The following VOPP1 variants were observed in gnomAD, a reference collection of about 807,000 sequenced individuals.
The protein encoded by VOPP1 is WW domain binding protein VOPP1.
In VOPP1, 8 loss-of-function variants were observed where a neutral mutation model predicts 23.5. The observed-to-expected ratio is 0.34, with a 90% confidence interval of 0.20 to 0.61. The LOEUF (loss-of-function observed/expected upper bound fraction) is 0.61, where lower values mean the gene tolerates loss of function less well. Among genes scored for constraint, VOPP1 ranks in the 20% least tolerant of loss-of-function variants. The probability of loss-of-function intolerance (pLI) is 0.78; values close to 1 mark genes in which losing one functional copy is unlikely to be tolerated. For missense variants in VOPP1, 174 were observed against 238.1 expected (o/e 0.73, Z 1.77); for synonymous variants, 83 against 97.3 (o/e 0.85, Z 0.86).
intron 1 of VOPP1, among the ~76,000 whole-genome samples, chr7:55,523,826 G>T (rs932759879): frequency 6.6e-6 from 1 of 152,190 alleles, no homozygotes; most frequent in African/African-American, 2.4e-5. Flanking sequence ...ATGCTTACCC[G>T]TGGAGGGTGG....
chr7:55,460,582 T>G (rs1047143822), intron 4 of VOPP1, among the ~76,000 whole-genome samples: 1 of 152,168 alleles, frequency 6.6e-6, no homozygotes, highest in African/African-American at 2.4e-5. Flanking sequence ...GGTGCTCGAG[T>G]GTGGGGTACA....
At chr7:55,491,159 T>G (rs1172488591) in intron 4 of VOPP1, among the ~76,000 whole-genome samples, 1 of 152,218 alleles carries the variant, frequency 6.6e-6, no homozygotes, top group Non-Finnish European at 1.5e-5. Flanking sequence ...CCATGCTCTA[T>G]TCCATAAACA....
chr7:55,449,496 T>TA (rs1482964176), intron 4 of VOPP1, among the ~76,000 whole-genome samples: 2 of 151,692 alleles, frequency 1.3e-5, no homozygotes, highest in Admixed American at 1.3e-4. Context: ...TACGCCGGGG[T>TA]GGGGGGCCGG....
At chr7:55,490,244 C>G (rs1019982160) in intron 4 of VOPP1, among the ~76,000 whole-genome samples, 13 of 152,028 alleles carry the variant, frequency 8.6e-5, no homozygotes, top group African/African-American at 3.1e-4. Flanking sequence ...TGGTGGAGAC[C>G]AGTGGCCAGC....
At position 55,484,921 on chromosome 7, in the gene VOPP1, G is replaced by A. The variant is rs552989758; in HGVS notation, c.328+7361C>T. Among the ~76,000 whole-genome samples, 15 of 152,238 alleles carry A rather than the reference G, an allele frequency of 9.9e-5. No individual in the cohort carries two copies. The South Asian group carries it at 1.9e-3, about 19-fold the overall frequency. Reference sequence around the variant, plus strand: ...CAGCCCCGGGACATGAATCCAGTACGCACCTTCTCCTGCTGTCAACAGCAC... The same window carrying A: ...CAGCCCCGGGACATGAATCCAGTACACACCTTCTCCTGCTGTCAACAGCAC... On this transcript the variant is annotated intron_variant, in intron 4 of 4. Coordinates refer to ENST00000285279, the MANE Select transcript of VOPP1 (RefSeq NM_030796.5).
chr7:55,520,686 C>T (rs540202118), intron 2 of VOPP1, among the ~76,000 whole-genome samples: 4 of 152,362 alleles, frequency 2.6e-5, no homozygotes, highest in African/African-American at 9.6e-5. Flanking sequence ...GTCACAGTGG[C>T]TCCGCTGAGG....
intron 2 of VOPP1, among the ~76,000 whole-genome samples, chr7:55,511,508 G>A (rs1345908643): frequency 6.6e-6 from 1 of 152,196 alleles, no homozygotes. Context: ...ATTTTAGAAT[G>A]TGAAAGAAAA....
At chr7:55,479,271 C>T (rs1792519816) in intron 4 of VOPP1, among the ~76,000 whole-genome samples, 2 of 151,624 alleles carry the variant, frequency 1.3e-5, no homozygotes, top group South Asian at 2.1e-4. Flanking sequence ...CGTCATTTAG[C>T]GTTAGGTATA....
intron 2 of VOPP1, among the ~76,000 whole-genome samples, chr7:55,509,063 T>C (rs1489376560): frequency 1.3e-5 from 2 of 152,174 alleles, no homozygotes; most frequent in South Asian, 4.1e-4. Flanking sequence ...TCAATTTTAA[T>C]TTTATAATAA....
intron 2 of VOPP1, among the ~76,000 whole-genome samples, chr7:55,520,328 G>C (rs945355047): frequency 1.3e-5 from 2 of 152,076 alleles, no homozygotes; most frequent in African/African-American, 4.8e-5. Context: ...TAGAGCTTTC[G>C]GGAAAATTTG....
At chr7:55,480,730 A>G (rs1216570552) in intron 4 of VOPP1, among the ~76,000 whole-genome samples, 1 of 152,230 alleles carries the variant, frequency 6.6e-6, no homozygotes, top group Non-Finnish European at 1.5e-5. Context: ...TAATACCTCT[A>G]AAAATTGGCT....
chr7:55,480,423 CTTTTAT>C (rs1350958272), intron 4 of VOPP1, among the ~76,000 whole-genome samples: 1 of 152,092 alleles, frequency 6.6e-6, no homozygotes, highest in Non-Finnish European at 1.5e-5. Context: ...TTAATTTATG[CTTTTAT>C]TTTTGTGTTC....
At chr7:55,532,762 G>C (rs1562601826) in intron 1 of VOPP1, among the ~76,000 whole-genome samples, 1 of 152,126 alleles carries the variant, frequency 6.6e-6, no homozygotes, top group African/African-American at 2.4e-5. Context: ...TCCCAGGAAG[G>C]TACTGGGAAG....
intron 1 of VOPP1, among the ~76,000 whole-genome samples, chr7:55,531,668 G>T (rs978993387): frequency 5.3e-5 from 8 of 151,972 alleles, no homozygotes; most frequent in Admixed American, 3.3e-4. Context: ...ATCTTTTTTT[G>T]ATGTAATTGC....
At chr7:55,518,037 T>C (rs547852500) in intron 2 of VOPP1, among the ~76,000 whole-genome samples, 1 of 152,160 alleles carries the variant, frequency 6.6e-6, no homozygotes, top group Admixed American at 6.5e-5. Flanking sequence ...GCACACTGAG[T>C]CTATAGCACT....
At chr7:55,445,268 TACACACACAGACAC>T (rs1562878678) in intron 4 of VOPP1, among the ~76,000 whole-genome samples, 2 of 126,066 alleles carry the variant, frequency 1.6e-5, no homozygotes, top group African/African-American at 3.0e-5. Flanking sequence ...CACACAGACA[TACACACACAGACAC>T]ACACACACAC....
chr7:55,506,760 T>C (rs1187380211), intron 2 of VOPP1, among the ~76,000 whole-genome samples: 1 of 152,056 alleles, frequency 6.6e-6, no homozygotes, highest in East Asian at 1.9e-4. Flanking sequence ...TGCCTCAGCC[T>C]CCCAAGTAGC....
intron 4 of VOPP1, among the ~76,000 whole-genome samples, chr7:55,486,486 G>A (rs536087873): frequency 2.0e-5 from 3 of 152,302 alleles, no homozygotes; most frequent in African/African-American, 4.8e-5. Context: ...GAAGTGCCGC[G>A]TAAGAATAAC....
intron 4 of VOPP1, among the ~76,000 whole-genome samples, chr7:55,478,137 G>A (rs1384245231): frequency 1.3e-5 from 2 of 152,242 alleles, no homozygotes; most frequent in Non-Finnish European, 2.9e-5. Context: ...TCTGCATGAA[G>A]CCTGCGGACA....
Sources: allele counts gnomAD v4.1 joint callset (sites outside exome capture counted in the v4.1 genomes callset), GRCh38; gene constraint gnomAD v4.1.1; transcripts MANE v1.5; gene names NCBI Gene and HGNC (gene_info 2026-07-23, HGNC 2026-07-21).